The following KIR3DL2 variants were observed in gnomAD, a reference collection of about 807,000 sequenced individuals.
The protein encoded by KIR3DL2 is killer cell immunoglobulin like receptor, three Ig domains and long cytoplasmic tail 2.
KIR3DL2 carries 42 observed loss-of-function variants against 41.6 expected under a neutral mutation model. The observed-to-expected ratio is 1.01, with a 90% confidence interval of 0.79 to 1.31. The LOEUF (loss-of-function observed/expected upper bound fraction) is 1.31, where lower values mean the gene tolerates loss of function less well. Ranked by LOEUF, KIR3DL2 falls within the 50% of genes most tolerant of loss-of-function variation. The pLI is 0.00. For synonymous variants in KIR3DL2, 230 were observed against 221.3 expected (o/e 1.04, Z -0.35); for missense variants, 728 against 576.8 (o/e 1.26, Z -2.68).
chr19:54,854,127 T>G (rs2064541232), intron 4 of KIR3DL2, 81 bp downstream of exon 4: 2 of 1,507,792 alleles, frequency 1.3e-6, no homozygotes, highest in Non-Finnish European at 1.8e-6. Flanking sequence ...CAGGTGGTCA[T>G]GAGGAAGATA....
Position 54,855,870 on chromosome 19 carries a change from G to C in KIR3DL2, c.907G>C (p.Val303Leu), listed in dbSNP as rs745524198. ...CGGCTCTTTCCGTGCCCTGCCCTGC[G>C]TGTGGTCAAACTCAAGTGACCCACT... ...CFGSFRALPC[V>L]WSNSSDPLLV... Residue 303 changes from valine to leucine, a missense_variant, in exon 5 of 9, where the codon GTG becomes CTG. Val to Leu is a conservative substitution (Grantham distance 32). Coordinates refer to ENST00000326321, the MANE Select transcript of KIR3DL2 (RefSeq NM_006737.4). 30 of 1,613,472 alleles carry C rather than the reference G, an allele frequency of 1.9e-5. No homozygotes were observed. Among genetic ancestry groups the C allele is most frequent in the Non-Finnish European group, 2.4e-5 (28 of 1,179,972 alleles).
chr19:54,854,191 G>A (rs1427849919), intron 4 of KIR3DL2, 145 bp downstream of exon 4: 28 of 1,054,596 alleles, frequency 2.7e-5, no homozygotes, highest in Non-Finnish European at 3.9e-5. Flanking sequence ...TACCAACAGA[G>A]ACAGGGAAAC....
Position 54,858,705 on chromosome 19 carries a change from A to G in KIR3DL2, c.950-374A>G, listed in dbSNP as rs2064968716. ...ATTGCACCTCTACACTCCAGCCTGCATGACAGAGCAAGATTCTATCACACA... is the reference window on the plus strand; with the variant it reads ...ATTGCACCTCTACACTCCAGCCTGCGTGACAGAGCAAGATTCTATCACACA... On this transcript the variant is annotated intron_variant, in intron 5 of 8. Transcript: ENST00000326321. Among the ~76,000 whole-genome samples the G allele has an allele frequency of 2.6e-5, 4 of 151,526 alleles. No homozygotes were observed. The South Asian group carries it at 8.3e-4, about 32-fold the overall frequency.
chr19:54,860,894 G>T (rs113169367), intron 6 of KIR3DL2, among the ~76,000 whole-genome samples: 3,052 of 122,502 alleles, frequency 0.025, no homozygotes, highest in African/African-American at 0.042. Context: ...CTGGGAATGA[G>T]GTGGGGAGAA....
intron 5 of KIR3DL2, among the ~76,000 whole-genome samples, chr19:54,857,696 C>A (rs1369321159): frequency 6.6e-6 from 1 of 151,720 alleles, no homozygotes; most frequent in Non-Finnish European, 1.5e-5. Context: ...GGATTACAGG[C>A]ATGTGCCACC....
intron 7 of KIR3DL2, 82 bp downstream of exon 7, chr19:54,865,991 C>A: frequency 7.6e-7 from 1 of 1,310,854 alleles, no homozygotes; most frequent in Middle Eastern, 2.0e-4. Flanking sequence ...GTGTTCCTCA[C>A]TGGCAGGATG....
chr19:54,865,930 G>C, intron 7 of KIR3DL2, 21 bp downstream of exon 7: 1 of 1,596,082 alleles, frequency 6.3e-7, no homozygotes, highest in African/African-American at 1.3e-5. Context: ...CGAAGCAGAG[G>C]CCAGAGAGCT....
intron 6 of KIR3DL2, among the ~76,000 whole-genome samples, chr19:54,861,322 G>C (rs1297983359): frequency 6.6e-6 from 1 of 152,036 alleles, no homozygotes; most frequent in Non-Finnish European, 1.5e-5. Context: ...AGCTAGATGA[G>C]GGGTGGTGCA....
Position 54,852,072 on chromosome 19 carries a change from T to C in KIR3DL2, c.145T>C (p.Cys49Arg). The C allele has an allele frequency of 4.3e-6, 7 of 1,612,580 alleles. No individual in the cohort carries two copies. Among genetic ancestry groups the C allele is most frequent in the Non-Finnish European group, 5.1e-6 (6 of 1,179,370 alleles). Residue 49 changes from cysteine (C) to arginine (R), a missense_variant, in exon 3 of 9, where the codon TGT (cysteine) becomes CGT (arginine). Coordinates refer to ENST00000326321, the MANE Select transcript of KIR3DL2 (RefSeq NM_006737.4). Reference sequence around the variant, plus strand: ...TCGAGGAGGACACGTGGCTCTTCAGTGTCACTATCGTCGTGGGTTTAACAA... The same window carrying C: ...TCGAGGAGGACACGTGGCTCTTCAGCGTCACTATCGTCGTGGGTTTAACAA... ...VPRGGHVALQCHYRRGFNNFM... is the reference protein window; with the variant it reads ...VPRGGHVALQRHYRRGFNNFM...
In KIR3DL2 at chr19:54,852,287, G is replaced by A. The variant is rs2064338019; in HGVS notation, c.355+5G>A. 4 of 1,604,632 alleles carry A rather than the reference G, an allele frequency of 2.5e-6. No individual in the cohort carries two copies. In the South Asian group the frequency reaches 4.4e-5, roughly 18 times the overall value. On this transcript the variant is annotated splice_donor_5th_base_variant and intron_variant, in intron 3 of 8. Transcript: ENST00000326321. Reference sequence around the variant, plus strand: ...CCCTGGTGATCATGGTCACAGGTCAGAGGCTTTCTGTCTGGGCTTCTCACT... The same window carrying A: ...CCCTGGTGATCATGGTCACAGGTCAAAGGCTTTCTGTCTGGGCTTCTCACT...
At position 54,866,590 on chromosome 19, in the gene KIR3DL2, A is replaced by G. The variant is rs771723951; in HGVS notation, c.1227A>G (p.Arg409=). 1.1e-5 allele frequency: 18 copies of G among 1,613,884 alleles called. No individual in the cohort carries two copies. Among genetic ancestry groups the G allele is most frequent in the South Asian group, 8.8e-5 (8 of 91,086 alleles). The change falls in exon 9 of 9, where the codon AGA becomes AGG. Residue 409 remains arginine (R), a synonymous_variant. Transcript: ENST00000326321. ...AQLDHCVFIQ[R]KISRPSQRPK... is the part of the protein sequence containing the mutation. Reference sequence around the variant, plus strand: ...TGGATCACTGCGTTTTCATACAGAGAAAAATCAGTCGCCCTTCTCAGAGGC... The same window carrying G: ...TGGATCACTGCGTTTTCATACAGAGGAAAATCAGTCGCCCTTCTCAGAGGC...
intron 4 of KIR3DL2, 147 bp from the exon 5 acceptor site, chr19:54,855,472 A>G (rs2064669448): frequency 1.6e-6 from 2 of 1,277,424 alleles, no homozygotes; most frequent in African/African-American, 1.5e-5. Flanking sequence ...CGGAAGGAGG[A>G]AATAGACATG....
chr19:54,850,546 G>A (rs1251647288), intron 1 of KIR3DL2, 37 bp downstream of exon 1: 4 of 1,607,974 alleles, frequency 2.5e-6, no homozygotes, highest in South Asian at 2.2e-5. Flanking sequence ...GGGAGAGTGG[G>A]GATGGAGATC....
rs577300691 is a variant in KIR3DL2 at position 54,861,319 on chromosome 19, T to C, written c.1000+2190T>C. Among the ~76,000 whole-genome samples, 704 of 152,044 alleles carry C rather than the reference T, an allele frequency of 4.6e-3. 4 individuals are homozygous for C. Among genetic ancestry groups the C allele is most frequent in the African/African-American group, 0.015 (613 of 41,516 alleles). ...ACCTGGCAGAGGAGGGAGAGCTAGA[T>C]GAGGGGTGGTGCAAATGAAGGGACC... On this transcript the variant is annotated intron_variant, in intron 6 of 8. Transcript: ENST00000326321.
chr19:54,862,464 G>A (rs748116321), intron 6 of KIR3DL2, among the ~76,000 whole-genome samples: 3 of 151,980 alleles, frequency 2.0e-5, no homozygotes, highest in African/African-American at 4.8e-5. Context: ...CAGAGAATAC[G>A]TTACATAGGC....
chr19:54,853,832 T>G lies in KIR3DL2; in HGVS notation c.441T>G (p.Asp147Glu), dbSNP rs1309375301. 2.5e-5 allele frequency: 40 copies of G among 1,613,090 alleles called. No homozygotes were observed. Among genetic ancestry groups the G allele is most frequent in the Non-Finnish European group, 3.3e-5 (39 of 1,179,608 alleles). Residue 147 changes from aspartate (D) to glutamate (E), a missense_variant, in exon 4 of 9, where the codon GAT (aspartate) becomes GAG (glutamate). By Grantham distance (45) the Asp-to-Glu change is conservative (BLOSUM62 2). Transcript: ENST00000326321. The part of the protein sequence containing the change: ...GETVILQCWS[D>E]VMFEHFFLHR... ...CAGTCATCCTGCAATGTTGGTCAGA[T>G]GTCATGTTTGAGCACTTCTTTCTGC...
At chr19:54,858,694 C>T (rs1706188541) in intron 5 of KIR3DL2, among the ~76,000 whole-genome samples, 1 of 151,430 alleles carries the variant, frequency 6.6e-6, no homozygotes. Context: ...CACCTCTACA[C>T]TCCAGCCTGC....
chr19:54,866,425 A>G lies in KIR3DL2; in HGVS notation c.1158+3A>G. On this transcript the variant is annotated splice_donor_region_variant and intron_variant, in intron 8 of 8. Transcript: ENST00000326321. ...GGGACAGAACAGTGAATAGGCAGGT[A>G]GGTCCTCCTCGGCCCAGCCTCACGG... 1 of 1,614,018 alleles carries G rather than the reference A, an allele frequency of 6.2e-7. No homozygotes were observed. Among genetic ancestry groups the G allele is most frequent in the Non-Finnish European group, 8.5e-7 (1 of 1,179,960 alleles).
At chr19:54,855,961 G>C in intron 5 of KIR3DL2, 49 bp downstream of exon 5, 1 of 1,595,402 alleles carries the variant, frequency 6.3e-7, no homozygotes, top group Non-Finnish European at 8.6e-7. Context: ...TAGAGCCATA[G>C]CTGAGGAGCT....
Sources: gnomAD v4.1 joint callset for allele counts (sites outside exome capture counted in the v4.1 genomes callset) on GRCh38, gnomAD v4.1.1 for gene constraint, MANE v1.5 for transcripts, NCBI Gene and HGNC (gene_info 2026-07-23, HGNC 2026-07-21) for gene names.